The following CDH13 variants were observed in gnomAD, a reference collection of about 807,000 sequenced individuals.
CDH13 encodes cadherin-13.
CDH13 carries 24 observed loss-of-function variants against 63.8 expected under a neutral mutation model. That is an observed-to-expected ratio of 0.38 (90% CI 0.27 to 0.53). The LOEUF (loss-of-function observed/expected upper bound fraction) is 0.53. Among genes scored for constraint, CDH13 ranks in the 20% least tolerant of loss-of-function variants. The pLI is 0.85. For synonymous variants in CDH13, 503 were observed against 355.3 expected, an observed-to-expected ratio of 1.42 and a Z score of -4.67; for missense variants, 1,049 against 903.1, an observed-to-expected ratio of 1.16 and a Z score of -2.07.
chr16:82,970,503 C>A lies in CDH13; in HGVS notation c.158-61507C>A, dbSNP rs1238368286. Among the ~76,000 whole-genome samples the A allele has an allele frequency of 5.7e-5, 8 of 141,010 alleles. 1 individual carries two copies. Among genetic ancestry groups the A allele is most frequent in the African/African-American group, 2.6e-5 (1 of 39,116 alleles). The allele number at this position is 141,010 out of a possible 152,430, so 92.5% of individuals were successfully genotyped here. On this transcript the variant is annotated intron_variant, in intron 2 of 13. Transcript: ENST00000567109. The stretch of plus-strand genomic sequence containing the variant: ...CAAGCTCCACTTCCCGGGTTCACGC[C>A]ATTCTCCTGCCTCAGCCTCCCGAGT...
At chr16:83,487,420 A>G (rs552267970) in intron 7 of CDH13, among the ~76,000 whole-genome samples, 1 of 152,300 alleles carries the variant, frequency 6.6e-6, no homozygotes, top group South Asian at 2.1e-4. Flanking sequence ...GTGATGCTCC[A>G]GTGGATCCAG....
At chr16:83,174,743 C>G (rs1236308098) in intron 4 of CDH13, among the ~76,000 whole-genome samples, 1 of 152,126 alleles carries the variant, frequency 6.6e-6, no homozygotes, top group Non-Finnish European at 1.5e-5. Context: ...GTTTCCTTGA[C>G]TCACATTTCT....
At chr16:82,892,118 T>A (rs1161970061) in intron 2 of CDH13, among the ~76,000 whole-genome samples, 2 of 152,136 alleles carry the variant, frequency 1.3e-5, no homozygotes, top group African/African-American at 2.4e-5. Context: ...GCTCATAGCC[T>A]TGGGCAAATT....
At chr16:83,171,480 T>G (rs2037913164) in intron 4 of CDH13, 1 of 1,487,966 alleles carries the variant, frequency 6.7e-7, no homozygotes, top group Non-Finnish European at 9.1e-7. Flanking sequence ...GGTTACTCAT[T>G]CTATGAAAAT....
chr16:83,534,547 A>G (rs978533851), intron 7 of CDH13, among the ~76,000 whole-genome samples: 1 of 152,222 alleles, frequency 6.6e-6, no homozygotes, highest in Non-Finnish European at 1.5e-5. Context: ...GGCTTGACTC[A>G]GGTGATGCCT....
intron 10 of CDH13, chr16:83,739,938 C>G (rs912313824): frequency 6.6e-6 from 1 of 152,122 alleles, no homozygotes; most frequent in Non-Finnish European, 1.5e-5. Flanking sequence ...GTAGAGCTGG[C>G]CAGGGAAGGA....
At chr16:83,028,624 A>T (rs973713856) in intron 2 of CDH13, among the ~76,000 whole-genome samples, 5 of 152,256 alleles carry the variant, frequency 3.3e-5, no homozygotes, top group Admixed American at 2.6e-4. Context: ...TGTCCTATAC[A>T]TACATAGCTA....
At chr16:83,670,167 G>C (rs1032253311) in intron 8 of CDH13, among the ~76,000 whole-genome samples, 1 of 152,156 alleles carries the variant, frequency 6.6e-6, no homozygotes, top group African/African-American at 2.4e-5. Context: ...GGATGGGATT[G>C]GTTTTCTTCA....
chr16:82,807,025 T>C (rs1378291164), intron 1 of CDH13, among the ~76,000 whole-genome samples: 1 of 151,932 alleles, frequency 6.6e-6, no homozygotes, highest in Non-Finnish European at 1.5e-5. Context: ...TGATAAGGTT[T>C]TCAGTCCAAA....
intron 1 of CDH13, among the ~76,000 whole-genome samples, chr16:82,639,984 TATCTCAAGCACA>T (rs1303266355): frequency 6.6e-6 from 1 of 152,226 alleles, no homozygotes; most frequent in African/African-American, 2.4e-5. Context: ...GGGAAGACAA[TATCTCAAGCACA>T]ATTCTCAGCA....
At chr16:83,162,547 A>ACATTTCC (rs1567463624) in intron 4 of CDH13, among the ~76,000 whole-genome samples, 17 of 152,144 alleles carry the variant, frequency 1.1e-4, no homozygotes, top group Admixed American at 3.9e-4. Context: ...AAGGTTGAAC[A>ACATTTCC]AAGCAAGGTG....
At chr16:82,920,398 G>T (rs2042117663) in intron 2 of CDH13, among the ~76,000 whole-genome samples, 1 of 152,226 alleles carries the variant, frequency 6.6e-6, no homozygotes, top group African/African-American at 2.4e-5. Context: ...ACAGGATGAA[G>T]TTCACTTAAA....
chr16:82,978,537 C>T (rs1203813273), intron 2 of CDH13, among the ~76,000 whole-genome samples: 1 of 152,238 alleles, frequency 6.6e-6, no homozygotes, highest in Non-Finnish European at 1.5e-5. Context: ...CCACTACAGC[C>T]ATAGCTAAAA....
intron 13 of CDH13, among the ~76,000 whole-genome samples, chr16:83,785,452 C>T (rs1269132384): frequency 6.6e-6 from 1 of 152,324 alleles, no homozygotes; most frequent in South Asian, 2.1e-4. Flanking sequence ...AGTACCATCA[C>T]CTTGGGGATC....
intron 2 of CDH13, among the ~76,000 whole-genome samples, chr16:82,897,358 A>G (rs1413202779): frequency 6.6e-6 from 1 of 152,204 alleles, no homozygotes; most frequent in African/African-American, 2.4e-5. Context: ...GATGTATAAG[A>G]AATATTAGTT....
At chr16:82,907,764 C>G (rs1043230671) in intron 2 of CDH13, among the ~76,000 whole-genome samples, 3 of 152,136 alleles carry the variant, frequency 2.0e-5, no homozygotes, top group Admixed American at 1.3e-4. Context: ...GTAGATGATT[C>G]CTGCATAGCC....
chr16:82,950,121 A>C (rs1321641037), intron 2 of CDH13, among the ~76,000 whole-genome samples: 1 of 152,120 alleles, frequency 6.6e-6, no homozygotes, highest in Non-Finnish European at 1.5e-5. Context: ...TCTCTTCTAG[A>C]GGCTGGAAGT....
intron 5 of CDH13, among the ~76,000 whole-genome samples, chr16:83,271,088 C>G (rs972115749): frequency 6.6e-6 from 1 of 151,976 alleles, no homozygotes; most frequent in Non-Finnish European, 1.5e-5. Flanking sequence ...GTCCTGCCCA[C>G]TCAGCATATA....
intron 2 of CDH13, among the ~76,000 whole-genome samples, chr16:83,018,928 A>G (rs1359463448): frequency 1.3e-5 from 2 of 152,226 alleles, no homozygotes; most frequent in African/African-American, 4.8e-5. Context: ...TACTACGAAT[A>G]GAGGTGGTAG....
Sources: gnomAD v4.1 joint callset for allele counts (sites outside exome capture counted in the v4.1 genomes callset) on GRCh38, gnomAD v4.1.1 for gene constraint, MANE v1.5 for transcripts, NCBI Gene and HGNC (gene_info 2026-07-23, HGNC 2026-07-21) for gene names.